Variants in SDK1 observed in about 807,000 individuals in gnomAD.
The protein encoded by SDK1 is sidekick cell adhesion molecule 1.
In SDK1, 157 loss-of-function variants were observed where a neutral mutation model predicts 245.5. The ratio of observed to expected loss-of-function variants is 0.64; its 90% confidence interval spans 0.56 to 0.73. The LOEUF is 0.73. Among genes scored for constraint, SDK1 ranks in the 30% least tolerant of loss-of-function variants. SDK1 has a pLI of 0.00. For synonymous variants in SDK1, 1,647 were observed against 1,278.5 expected, an observed-to-expected ratio of 1.29 and a Z score of -6.15; for missense variants, 3,583 against 3,002.3, an observed-to-expected ratio of 1.19 and a Z score of -4.52.
intron 4 of SDK1, among the ~76,000 whole-genome samples, chr7:3,685,667 T>A (rs772827160): frequency 6.6e-6 from 1 of 152,086 alleles, no homozygotes; most frequent in Non-Finnish European, 1.5e-5. Context: ...ATTTTAGAAG[T>A]AGAAAAGGAA....
intron 4 of SDK1, among the ~76,000 whole-genome samples, chr7:3,649,412 G>A (rs190551006): frequency 4.9e-4 from 74 of 152,134 alleles, no homozygotes; most frequent in African/African-American, 1.7e-3. Context: ...CCCTCCTGCT[G>A]TTGGTATGCA....
chr7:3,985,267 G>T (rs1390663919), intron 13 of SDK1, among the ~76,000 whole-genome samples: 1 of 152,246 alleles, frequency 6.6e-6, no homozygotes, highest in East Asian at 1.9e-4. Context: ...TTCCATCTCA[G>T]ATCAGATACA....
intron 20 of SDK1, among the ~76,000 whole-genome samples, chr7:4,076,583 C>T (rs756429927): frequency 6.6e-6 from 1 of 152,166 alleles, no homozygotes; most frequent in Non-Finnish European, 1.5e-5. Context: ...TATATACATA[C>T]ATAACATTTT....
intron 1 of SDK1, among the ~76,000 whole-genome samples, chr7:3,482,392 G>A (rs1781547312): frequency 1.3e-5 from 2 of 152,152 alleles, no homozygotes; most frequent in Non-Finnish European, 2.9e-5. Context: ...TTTGATGGCT[G>A]CATGGGACTC....
At chr7:3,441,479 T>A (rs1404942701) in intron 1 of SDK1, among the ~76,000 whole-genome samples, 4 of 152,194 alleles carry the variant, frequency 2.6e-5, no homozygotes, top group Non-Finnish European at 5.9e-5. Flanking sequence ...TTCCCTTCCT[T>A]CACTGAATTG....
chr7:3,786,894 A>C (rs926278946), intron 4 of SDK1, among the ~76,000 whole-genome samples: 20 of 152,008 alleles, frequency 1.3e-4, no homozygotes, highest in African/African-American at 4.6e-4. Context: ...CCAACACACT[A>C]ATCCATATAA....
In SDK1 at chr7:4,205,974, G is replaced by A. The variant is rs1784199674; in HGVS notation, c.5194G>A (p.Gly1732Arg). Residue 1732 changes from glycine (G) to arginine (R), a missense_variant, in exon 36 of 45, where the codon GGG becomes AGG. Transcript: ENST00000404826. Reference sequence around the variant, plus strand: ...CCCACCACCCCCGGAGAGCCAGAATGGGAACATCCAAGGCTACAAGGCAAG... The same window carrying A: ...CCCACCACCCCCGGAGAGCCAGAATAGGAACATCCAAGGCTACAAGGCAAG... ...WDPPPPESQNGNIQGYKIYYW... is the reference protein window; with the variant it reads ...WDPPPPESQNRNIQGYKIYYW... The A allele has an allele frequency of 6.4e-7, 1 of 1,555,338 alleles. No individual in the cohort carries two copies. Among genetic ancestry groups the A allele is most frequent in the Non-Finnish European group, 8.7e-7 (1 of 1,149,204 alleles).
chr7:3,725,987 C>G (rs73302299), intron 4 of SDK1, among the ~76,000 whole-genome samples: 2,853 of 152,254 alleles, frequency 0.019, 93 homozygotes, highest in African/African-American at 0.065. Flanking sequence ...CAGTGCAAGA[C>G]GGACACTATT....
intron 28 of SDK1, among the ~76,000 whole-genome samples, chr7:4,133,379 G>A (rs1000470629): frequency 6.6e-6 from 1 of 152,204 alleles, no homozygotes; most frequent in Non-Finnish European, 1.5e-5. Context: ...GTACAGTGGG[G>A]GGTGAGGAAT....
chr7:3,448,178 G>A (rs1042442053), intron 1 of SDK1, among the ~76,000 whole-genome samples: 2 of 152,102 alleles, frequency 1.3e-5, no homozygotes, highest in African/African-American at 4.8e-5. Flanking sequence ...ATCTTTAACA[G>A]CACTAGGTGT....
chr7:3,497,383 T>C lies in SDK1; in HGVS notation c.299-121697T>C, dbSNP rs1203283412. On this transcript the variant is annotated intron_variant, in intron 1 of 44. Coordinates refer to ENST00000404826, the MANE Select transcript of SDK1 (RefSeq NM_152744.4). ...ATGTACTCTTCTTTACCTTTTATTT[T>C]CTCCTAGATGATGTTTATCAGTCTT... Among the ~76,000 whole-genome samples, 7 of 152,322 alleles carry C rather than the reference T, an allele frequency of 4.6e-5. No homozygotes were observed. In the East Asian group the frequency reaches 1.2e-3, roughly 25 times the overall value.
intron 13 of SDK1, among the ~76,000 whole-genome samples, chr7:3,983,777 T>C (rs1393707827): frequency 6.6e-6 from 1 of 151,938 alleles, no homozygotes; most frequent in Non-Finnish European, 1.5e-5. Context: ...CTGGGAAAAA[T>C]CAATATTTCC....
intron 35 of SDK1, among the ~76,000 whole-genome samples, chr7:4,205,573 C>T (rs997105973): frequency 3.9e-5 from 6 of 152,278 alleles, no homozygotes; most frequent in Admixed American, 1.3e-4. Flanking sequence ...AACTGTATCT[C>T]GGTATAATTA....
intron 35 of SDK1, among the ~76,000 whole-genome samples, chr7:4,203,137 C>T (rs556543330): frequency 5.3e-5 from 8 of 152,370 alleles, no homozygotes; most frequent in South Asian, 2.1e-4. Flanking sequence ...CAGGAGGCCA[C>T]GCCATAACCC....
In SDK1 at chr7:4,217,180, C is replaced by T. The variant is rs544948177; in HGVS notation, c.5540-2929C>T. ...ACACCACCCGGAGCACCACACCCCC[C>T]GGAGCACCCTGCCACCCGGAGCACC... On this transcript the variant is annotated intron_variant, in intron 38 of 44. Transcript: ENST00000404826. Among the ~76,000 whole-genome samples the T allele has an allele frequency of 4.3e-5, 6 of 138,836 alleles. No individual in the cohort carries two copies. In the South Asian group the frequency reaches 1.3e-3, roughly 30 times the overall value. 91.1% of individuals were successfully genotyped at this position (138,836 alleles called of 152,430 possible).
At chr7:3,322,752 A>G (rs1043265812) in intron 1 of SDK1, among the ~76,000 whole-genome samples, 1 of 152,150 alleles carries the variant, frequency 6.6e-6, no homozygotes, top group Admixed American at 6.5e-5. Context: ...ATACTGGATT[A>G]TGGTAATTGC....
chr7:3,495,252 CTTTTT>C (rs71029675), intron 1 of SDK1, among the ~76,000 whole-genome samples: 16 of 99,764 alleles, frequency 1.6e-4, no homozygotes, highest in African/African-American at 2.8e-4. Flanking sequence ...CATAATGGTT[CTTTTT>C]TTTTTTTTTT....
intron 1 of SDK1, among the ~76,000 whole-genome samples, chr7:3,547,270 CATAATT>C (rs1410220138): frequency 6.6e-6 from 1 of 152,094 alleles, no homozygotes; most frequent in Non-Finnish European, 1.5e-5. Context: ...ATTTAACAGT[CATAATT>C]ATTATAATTG....
chr7:3,885,032 C>T (rs1347614560), intron 5 of SDK1, among the ~76,000 whole-genome samples: 2 of 152,080 alleles, frequency 1.3e-5, no homozygotes, highest in Non-Finnish European at 2.9e-5. Flanking sequence ...CTCCCCCGAC[C>T]CCCACCCCGC....
Sources: allele counts gnomAD v4.1 joint callset (sites outside exome capture counted in the v4.1 genomes callset), GRCh38; gene constraint gnomAD v4.1.1; transcripts MANE v1.5; gene names NCBI Gene and HGNC (gene_info 2026-07-23, HGNC 2026-07-21).